The following ABL2 variants were observed in gnomAD, a reference collection of about 807,000 sequenced individuals.
ABL2 encodes ABL proto-oncogene 2, non-receptor tyrosine kinase.
Under a neutral mutation model 107.7 loss-of-function variants are expected in ABL2, and 49 were observed. That is an observed-to-expected ratio of 0.45 (90% CI 0.36 to 0.58). ABL2 has a LOEUF of 0.58. Among genes scored for constraint, ABL2 ranks in the 20% least tolerant of loss-of-function variants. ABL2 has a pLI of 0.00. For synonymous variants in ABL2, 549 were observed against 548.6 expected (o/e 1.00, Z -0.01); for missense variants, 1,245 against 1,457.0 (o/e 0.85, Z 2.37).
chr1:179,111,666 G>A (rs755069352), intron 10 of ABL2, among the ~76,000 whole-genome samples: 5 of 152,118 alleles, frequency 3.3e-5, no homozygotes, highest in Non-Finnish European at 7.4e-5. Flanking sequence ...TCTCTATGAT[G>A]AGTAATGTTA....
intron 3 of ABL2, among the ~76,000 whole-genome samples, chr1:179,127,049 T>C (rs1161522446): frequency 6.6e-6 from 1 of 152,170 alleles, no homozygotes; most frequent in Non-Finnish European, 1.5e-5. Flanking sequence ...CCTCAAAAGT[T>C]TATCAAGGAA....
intron 6 of ABL2, 132 bp downstream of exon 6, chr1:179,120,058 C>T (rs1557922253): frequency 3.7e-6 from 2 of 539,310 alleles, no homozygotes; most frequent in Non-Finnish European, 6.5e-6. Context: ...ATCACGTCAA[C>T]AGCAGCCTGG....
At chr1:179,161,447 G>A (rs543933756) in intron 1 of ABL2, among the ~76,000 whole-genome samples, 32 of 152,276 alleles carry the variant, frequency 2.1e-4, no homozygotes, top group Middle Eastern at 3.4e-3. Context: ...GCCAGGTGTG[G>A]CGGCTCACAC....
chr1:179,159,842 G>A (rs948470103), intron 1 of ABL2, among the ~76,000 whole-genome samples: 1 of 152,150 alleles, frequency 6.6e-6, no homozygotes, highest in African/African-American at 2.4e-5. Context: ...GGCTGGGTGT[G>A]GTGCCTCATG....
Position 179,126,737 on chromosome 1 carries a change from G to A in ABL2, c.392-65C>T. ...AAGACTTTATTTCAACTGAAGCAGT[G>A]TACTGTCAAACTTTAAACTCATTAA... On this transcript the variant is annotated intron_variant, in intron 3 of 11. Coordinates refer to ENST00000502732, the MANE Select transcript of ABL2 (RefSeq NM_007314.4). The surrounding 1 kb of genome is among the most constrained non-coding windows in gnomAD (Gnocchi z 4.4). 2.1e-6 allele frequency: 3 copies of A among 1,407,000 alleles called. No individual in the cohort carries two copies. Among genetic ancestry groups the A allele is most frequent in the Admixed American group, 2.3e-5 (1 of 44,098 alleles). 87.2% of individuals were successfully genotyped at this position (1,407,000 alleles called of 1,614,324 possible). A position where few individuals can be genotyped will look rare whatever the true frequency, so the allele number is the denominator to read the frequency against.
intron 1 of ABL2, among the ~76,000 whole-genome samples, chr1:179,162,554 C>T (rs1164461174): frequency 6.6e-6 from 1 of 152,116 alleles, no homozygotes; most frequent in African/African-American, 2.4e-5. Flanking sequence ...CACTGCATTC[C>T]AGCCTGGGCA....
At chr1:179,127,741 C>T (rs1655868356) in intron 3 of ABL2, among the ~76,000 whole-genome samples, 1 of 152,072 alleles carries the variant, frequency 6.6e-6, no homozygotes, top group African/African-American at 2.4e-5. Flanking sequence ...ATCAAAAGCA[C>T]ATGGCCATGG....
intron 1 of ABL2, among the ~76,000 whole-genome samples, chr1:179,193,112 C>T (rs565219081): frequency 3.9e-5 from 6 of 152,082 alleles, no homozygotes; most frequent in Admixed American, 6.5e-5. Flanking sequence ...CAAATATCAG[C>T]CTTTCTGAAT....
intron 1 of ABL2, among the ~76,000 whole-genome samples, chr1:179,224,150 A>AAC (rs1663055743): frequency 6.7e-6 from 1 of 149,192 alleles, no homozygotes; most frequent in South Asian, 2.1e-4. Context: ...AAAAAAAAAA[A>AAC]AAAAAAAACT....
At chr1:179,109,728 A>G (rs549449684) in intron 11 of ABL2, among the ~76,000 whole-genome samples, 3 of 152,234 alleles carry the variant, frequency 2.0e-5, no homozygotes, top group East Asian at 3.9e-4. Flanking sequence ...GGAGATCAAG[A>G]CCATCCTGGC....
At chr1:179,191,849 T>C (rs534033304) in intron 1 of ABL2, among the ~76,000 whole-genome samples, 1 of 152,338 alleles carries the variant, frequency 6.6e-6, no homozygotes, top group Admixed American at 6.5e-5. Context: ...TCATGTTAAA[T>C]GACAGATGGA....
chr1:179,158,081 A>G (rs1335526488), intron 1 of ABL2, among the ~76,000 whole-genome samples: 3 of 152,246 alleles, frequency 2.0e-5, no homozygotes, highest in Admixed American at 6.5e-5. Context: ...AGGAGACCAT[A>G]GGAGAGTCAA....
chr1:179,206,130 C>T (rs1661957037), intron 1 of ABL2, among the ~76,000 whole-genome samples: 1 of 152,094 alleles, frequency 6.6e-6, no homozygotes, highest in African/African-American at 2.4e-5. Context: ...AGTCTATACC[C>T]TTAACTACCA....
chr1:179,110,570 C>T (rs1572608617), intron 10 of ABL2, 115 bp from the exon 11 acceptor site: 1 of 1,506,172 alleles, frequency 6.6e-7, no homozygotes, highest in Non-Finnish European at 8.8e-7. Context: ...TACTAAAATA[C>T]ATACACGGAA....
At position 179,109,040 on chromosome 1, in the gene ABL2, C is replaced by T; in HGVS notation, c.2227G>A (p.Gly743Ser). Residue 743 changes from glycine to serine, a missense_variant, in exon 12 of 12, where the codon GGT becomes AGT. Physicochemically the swap from Gly to Ser is moderately conservative, Grantham distance 56 (BLOSUM62 0). Transcript: ENST00000502732. The stretch of plus-strand genomic sequence containing the variant: ...AAGCCTGTGATGCCAGACCACCCAC[C>T]CCCAGCAGTGCCACTGCCCCCACCC... ...GGGGGSGTAG[G>S]GWSGITGFFT... 7 of 1,608,696 alleles carry T rather than the reference C, an allele frequency of 4.4e-6. No homozygotes were observed. Among genetic ancestry groups the T allele is most frequent in the Non-Finnish European group, 5.9e-6 (7 of 1,178,714 alleles).
intron 1 of ABL2, among the ~76,000 whole-genome samples, chr1:179,144,300 A>C (rs965647383): frequency 2.0e-5 from 3 of 151,918 alleles, no homozygotes; most frequent in African/African-American, 7.2e-5. Context: ...CTCTACAAAA[A>C]ATACAAAAAA....
At chr1:179,117,278 C>T (rs1654743056) in intron 8 of ABL2, 54 bp downstream of exon 8, 2 of 1,528,436 alleles carry the variant, frequency 1.3e-6, no homozygotes, top group African/African-American at 1.4e-5. Context: ...AGAATCAAGG[C>T]ATTTATAAAA....
chr1:179,108,338 G>C lies in ABL2; in HGVS notation c.2929C>G (p.Arg977Gly). The C allele has an allele frequency of 6.2e-7, 1 of 1,614,236 alleles. No individual in the cohort carries two copies. The highest frequency in any genetic ancestry group is 8.5e-7 in the Non-Finnish European group (1 of 1,180,048). Residue 977 changes from arginine to glycine, a missense_variant, in exon 12 of 12, where the codon CGG becomes GGG. Transcript: ENST00000502732. ...TSSGDKDRPR[R>G]VKPKCAPPPP... ...GGTGGGGCACACTTTGGTTTTACCC[G>C]TCGGGGTCGGTCCTTGTCTCCAGAG...
intron 1 of ABL2, among the ~76,000 whole-genome samples, chr1:179,167,326 A>G (rs75019829): frequency 6.6e-6 from 1 of 152,326 alleles, no homozygotes; most frequent in Non-Finnish European, 1.5e-5. Flanking sequence ...GACAAATACC[A>G]CATGTTCTCG....
Sources: allele counts gnomAD v4.1 joint callset (sites outside exome capture counted in the v4.1 genomes callset), GRCh38; gene constraint gnomAD v4.1.1; non-coding constraint Gnocchi (gnomAD v3.1); transcripts MANE v1.5; gene names NCBI Gene and HGNC (gene_info 2026-07-23, HGNC 2026-07-21).